XIRP2: variants seen among roughly 807,000 people sequenced by gnomAD.
XIRP2 encodes xin actin-binding repeat-containing protein 2.
A neutral mutation model predicts 277.0 loss-of-function variants in XIRP2; 236 were observed. The observed-to-expected ratio is 0.85, with a 90% CI of 0.77 to 0.95. The LOEUF is 0.95. Among genes scored for constraint, XIRP2 ranks in the 40% least tolerant of loss-of-function variants. XIRP2 has a pLI of 0.00. For synonymous variants in XIRP2, 1,490 were observed against 1,416.5 expected, an observed-to-expected ratio of 1.05 and a Z score of -1.17; for missense variants, 4,640 against 4,157.5, an observed-to-expected ratio of 1.12 and a Z score of -3.19.
intron 2 of XIRP2, among the ~76,000 whole-genome samples, chr2:166,918,863 T>TC (rs1424524176): frequency 2.8e-4 from 42 of 152,176 alleles, no homozygotes; most frequent in Non-Finnish European, 4.9e-4. Flanking sequence ...CTGGTCTCCC[T>TC]CATCTAAACC....
chr2:166,903,676 G>C lies in XIRP2; in HGVS notation c.194G>C (p.Ser65Thr), dbSNP rs1356293826. 1 of 1,613,680 alleles carries C rather than the reference G, an allele frequency of 6.2e-7. No homozygotes were observed. Among genetic ancestry groups the C allele is most frequent in the Admixed American group, 1.7e-5 (1 of 59,904 alleles). Residue 65 changes from serine to threonine, a missense_variant, in exon 2 of 11, where the codon AGT becomes ACT. By Grantham distance (58) the Ser-to-Thr change is moderately conservative. Coordinates refer to ENST00000409195, the MANE Select transcript of XIRP2 (RefSeq NM_152381.6). ...TTGGATCCCACAAGTCTGCCCTACAGTACAGGGGAAGAGATGTGGAGTTCG... is the reference window on the plus strand; with the variant it reads ...TTGGATCCCACAAGTCTGCCCTACACTACAGGGGAAGAGATGTGGAGTTCG... ...QSLDPTSLPY[S>T]TGEEMWSSKP... is the part of the protein sequence containing the mutation.
At chr2:167,055,297 CA>C (rs1689013539) in intron 2 of XIRP2, among the ~76,000 whole-genome samples, 1 of 152,134 alleles carries the variant, frequency 6.6e-6, no homozygotes, top group South Asian at 2.1e-4. Context: ...AGAAAAATCA[CA>C]AATCAAGAGT....
chr2:167,251,678 T>C lies in XIRP2; in HGVS notation c.10286T>C (p.Ile3429Thr). 3 of 1,613,414 alleles carry C rather than the reference T, an allele frequency of 1.9e-6. No homozygotes were observed. The highest frequency in any genetic ancestry group is 1.7e-6 in the Non-Finnish European group (2 of 1,179,622). The change falls in exon 9 of 11, where the codon ATT becomes ACT. Residue 3429 changes from isoleucine to threonine, a missense_variant. Transcript: ENST00000409195. ...GGCATGGATGCATTTGAGAGTCAAA[T>C]TGTTGAGTCGAAGATGAAAACCTCT... ...FSGMDAFESQIVESKMKTSSS... is the reference protein window; with the variant it reads ...FSGMDAFESQTVESKMKTSSS...
At chr2:167,174,782 A>T (rs115339873) in intron 3 of XIRP2, among the ~76,000 whole-genome samples, 15,039 of 152,092 alleles carry the variant, frequency 0.099, 799 homozygotes, top group South Asian at 0.15. Flanking sequence ...TGGTATATTG[A>T]GTCTTTGTTC....
intron 3 of XIRP2, among the ~76,000 whole-genome samples, chr2:167,205,554 C>T (rs558499595): frequency 6.6e-6 from 1 of 152,214 alleles, no homozygotes; most frequent in Non-Finnish European, 1.5e-5. Context: ...ATTCCAGCTT[C>T]ATAGTGGGAT....
At chr2:167,158,732 A>T (rs1008487520) in intron 3 of XIRP2, among the ~76,000 whole-genome samples, 1 of 152,244 alleles carries the variant, frequency 6.6e-6, no homozygotes, top group Non-Finnish European at 1.5e-5. Context: ...AAATACATAC[A>T]TATGACATTT....
intron 3 of XIRP2, among the ~76,000 whole-genome samples, chr2:167,186,674 C>T (rs1693164143): frequency 1.3e-5 from 2 of 152,088 alleles, no homozygotes; most frequent in South Asian, 4.1e-4. Flanking sequence ...CTCAGGAGCA[C>T]GTGAGGTGAC....
intron 1 of XIRP2, among the ~76,000 whole-genome samples, chr2:166,896,505 A>C (rs1348785811): frequency 6.6e-6 from 1 of 151,780 alleles, no homozygotes; most frequent in African/African-American, 2.4e-5. Context: ...AAAAAAAAAG[A>C]AAAAGTTTAT....
chr2:167,013,195 G>C (rs1027905330), intron 2 of XIRP2, among the ~76,000 whole-genome samples: 1 of 151,020 alleles, frequency 6.6e-6, no homozygotes, highest in Non-Finnish European at 1.5e-5. Context: ...ATATATTTCT[G>C]TTCACCTGTA....
chr2:167,247,410 T>G lies in XIRP2; in HGVS notation c.6018T>G (p.His2006Gln), dbSNP rs753926099. 2.9e-5 allele frequency: 46 copies of G among 1,613,598 alleles called. No individual in the cohort carries two copies. The highest frequency in any genetic ancestry group is 3.6e-5 in the Non-Finnish European group (42 of 1,179,774). The change falls in exon 9 of 11, where the codon CAT (histidine) becomes CAG (glutamine). Residue 2006 changes from histidine to glutamine, a missense_variant. His to Gln is a conservative substitution (Grantham distance 24, BLOSUM62 0). Transcript: ENST00000409195. ...GTCAAACTATGGGGAAATCTTGCCA[T>G]GGCAATTTAGTAGAAGAAAGAACTG... ...TLSQTMGKSC[H>Q]GNLVEERTEV...
intron 2 of XIRP2, among the ~76,000 whole-genome samples, chr2:167,120,980 CAA>C (rs1362374078): frequency 6.6e-6 from 1 of 152,082 alleles, no homozygotes; most frequent in Non-Finnish European, 1.5e-5. Flanking sequence ...GTCTACTCTA[CAA>C]AATGTGGTAT....
rs576762311 is a variant in XIRP2 at position 167,144,488 on chromosome 2, T to C, written c.562+8426T>C. Among the ~76,000 whole-genome samples, 12 of 152,166 alleles carry C rather than the reference T, an allele frequency of 7.9e-5. 1 individual carries two copies. The South Asian group carries it at 2.5e-3, about 32-fold the overall frequency. The stretch of plus-strand genomic sequence containing the variant: ...GTCGTTCTATTTTTTGAAGATCATC[T>C]TTAAAAAAAAAAATCAGATTTTGCC... On this transcript the variant is annotated intron_variant, in intron 3 of 10. Coordinates refer to ENST00000409195, the MANE Select transcript of XIRP2 (RefSeq NM_152381.6).
At chr2:166,894,063 G>T (rs1684178375) in intron 1 of XIRP2, among the ~76,000 whole-genome samples, 1 of 152,026 alleles carries the variant, frequency 6.6e-6, no homozygotes, top group Non-Finnish European at 1.5e-5. Context: ...ATGCTTGACA[G>T]GCAAAATTGT....
intron 2 of XIRP2, among the ~76,000 whole-genome samples, chr2:166,906,682 A>G (rs2105339935): frequency 6.6e-6 from 1 of 152,182 alleles, no homozygotes; most frequent in Non-Finnish European, 1.5e-5. Context: ...AAGGCCAGGC[A>G]CAGTGGCTCA....
In XIRP2 at chr2:167,235,368, A is replaced by G. The variant is rs974132535; in HGVS notation, c.859-4487A>G. Among the ~76,000 whole-genome samples, 32 of 151,974 alleles carry G rather than the reference A, an allele frequency of 2.1e-4. 1 individual carries two copies. Among genetic ancestry groups the G allele is most frequent in the Non-Finnish European group, 4.4e-5 (3 of 67,884 alleles). On this transcript the variant is annotated intron_variant, in intron 5 of 10. Transcript: ENST00000409195. ...CAAAATGACAACAACAAAAAAAATC[A>G]TAGGTTTATATGGAAGAATTTGGAA...
Position 167,243,025 on chromosome 2 carries a change from G to T in XIRP2, c.1633G>T (p.Val545Phe). Residue 545 changes from valine to phenylalanine, a missense_variant, in exon 9 of 11, where the codon GTT (valine) becomes TTT (phenylalanine). Coordinates refer to ENST00000409195, the MANE Select transcript of XIRP2 (RefSeq NM_152381.6). The stretch of plus-strand genomic sequence containing the variant: ...AGCAGATGTGCAACAAGCCCGGTAT[G>T]TTTTTGAAAACACAAATGACAGTTC... The part of the protein sequence containing the change: ...VSADVQQARY[V>F]FENTNDSSQK... 1 of 1,614,056 alleles carries T rather than the reference G, an allele frequency of 6.2e-7. No homozygotes were observed. Among genetic ancestry groups the T allele is most frequent in the Non-Finnish European group, 8.5e-7 (1 of 1,179,972 alleles).
chr2:167,066,266 T>C (rs528189530), intron 2 of XIRP2, among the ~76,000 whole-genome samples: 2 of 152,120 alleles, frequency 1.3e-5, no homozygotes, highest in South Asian at 2.1e-4. Context: ...ACCACCATTC[T>C]AGTTGCTGCT....
chr2:166,913,314 C>CCT (rs1553469495), intron 2 of XIRP2, among the ~76,000 whole-genome samples: 2 of 130,470 alleles, frequency 1.5e-5, no homozygotes, highest in Non-Finnish European at 3.5e-5. Context: ...GTGGGCACCC[C>CCT]CCCCCCCCAG....
Position 167,251,189 on chromosome 2 carries a change from A to G in XIRP2, c.9797A>G (p.Glu3266Gly), listed in dbSNP as rs1461379181. The G allele has an allele frequency of 1.2e-6, 2 of 1,613,410 alleles. No individual in the cohort carries two copies. The highest frequency in any genetic ancestry group is 1.7e-6 in the Non-Finnish European group (2 of 1,179,734). The change falls in exon 9 of 11, where the codon GAG becomes GGG. Residue 3266 changes from glutamate (E) to glycine (G), a missense_variant. Transcript: ENST00000409195. ...VDAQEEIRKV[E>G]KRATYVHKDG... ...GCTCAAGAGGAAATCAGGAAAGTGG[A>G]GAAGAGAGCTACTTATGTTCATAAA...
Sources: allele counts gnomAD v4.1 joint callset (sites outside exome capture counted in the v4.1 genomes callset), GRCh38; gene constraint gnomAD v4.1.1; transcripts MANE v1.5; gene names NCBI Gene and HGNC (gene_info 2026-07-23, HGNC 2026-07-21).